The following ERI1 variants were observed in gnomAD, a reference collection of about 807,000 sequenced individuals.
ERI1 encodes exoribonuclease 1, also known as 3'-5' exoribonuclease 1.
In ERI1, 39 loss-of-function variants were observed where a neutral mutation model predicts 39.7. The observed-to-expected ratio is 0.98, with a 90% CI of 0.76 to 1.28. The LOEUF (loss-of-function observed/expected upper bound fraction) is 1.28. ERI1 is among the 50% of genes most tolerant of loss of function. The pLI is 0.00. For synonymous variants in ERI1, 204 were observed against 149.6 expected (o/e 1.36, Z -2.65); for missense variants, 581 against 416.9 (o/e 1.39, Z -3.43).
At chr8:9,051,697 C>T (rs997553918) in intron 3 of ERI1, among the ~76,000 whole-genome samples, 1 of 151,938 alleles carries the variant, frequency 6.6e-6, no homozygotes, top group African/African-American at 2.4e-5. Flanking sequence ...AAACGCCTTC[C>T]TCTTGGTCCT....
chr8:9,074,929 C>A (rs1020186285), intron 3 of ERI1, among the ~76,000 whole-genome samples: 6 of 152,118 alleles, frequency 3.9e-5, no homozygotes, highest in Non-Finnish European at 5.9e-5. Context: ...CAAGAGCAAG[C>A]CTGCCCCCAC....
intron 3 of ERI1, among the ~76,000 whole-genome samples, chr8:9,092,362 A>T (rs954849211): frequency 6.6e-6 from 1 of 152,170 alleles, no homozygotes; most frequent in Non-Finnish European, 1.5e-5. Context: ...CGTTCTGTTC[A>T]GAATCTTCCC....
At chr8:9,048,992 G>A (rs1798267226) in intron 3 of ERI1, among the ~76,000 whole-genome samples, 1 of 151,994 alleles carries the variant, frequency 6.6e-6, no homozygotes, top group African/African-American at 2.4e-5. Context: ...GATAGGTGGA[G>A]GTGAGCGAGA....
intron 3 of ERI1, among the ~76,000 whole-genome samples, chr8:9,076,869 G>A (rs1799226285): frequency 6.6e-6 from 1 of 152,226 alleles, no homozygotes; most frequent in African/African-American, 2.4e-5. Context: ...CCCCACCTTT[G>A]AAGGAGCTCT....
chr8:9,098,868 C>G (rs1027864660), intron 3 of ERI1, among the ~76,000 whole-genome samples: 1 of 152,190 alleles, frequency 6.6e-6, no homozygotes, highest in African/African-American at 2.4e-5. Context: ...CAGGCTCTCA[C>G]TGTCACTCAG....
chr8:9,039,087 A>T (rs1355422601), intron 3 of ERI1, among the ~76,000 whole-genome samples: 1 of 152,242 alleles, frequency 6.6e-6, no homozygotes, highest in Non-Finnish European at 1.5e-5. Flanking sequence ...ACTCGTTCTT[A>T]TATTTGGGGA....
chr8:9,078,021 G>C (rs544273135), intron 3 of ERI1, among the ~76,000 whole-genome samples: 3 of 151,982 alleles, frequency 2.0e-5, no homozygotes, highest in Admixed American at 6.6e-5. Flanking sequence ...ACAGAGTCTC[G>C]CTTTGTCAGC....
chr8:9,099,978 A>G (rs1238649720), intron 3 of ERI1: 1 of 152,260 alleles, frequency 6.6e-6, no homozygotes, highest in East Asian at 1.9e-4. Context: ...CCAAGATGGT[A>G]AAGATGAAAA....
chr8:9,041,604 TTAAGAA>T (rs1403241824), intron 3 of ERI1, among the ~76,000 whole-genome samples: 6 of 152,148 alleles, frequency 3.9e-5, no homozygotes, highest in African/African-American at 1.4e-4. Flanking sequence ...AAAGAAGAAA[TTAAGAA>T]TGAGATTTAA....
At chr8:9,093,925 T>C (rs1799792044) in intron 3 of ERI1, among the ~76,000 whole-genome samples, 1 of 152,206 alleles carries the variant, frequency 6.6e-6, no homozygotes, top group Non-Finnish European at 1.5e-5. Flanking sequence ...GGTGTGACTT[T>C]TACAGGAAGA....
At chr8:9,075,681 G>A (rs1799188766) in intron 3 of ERI1, among the ~76,000 whole-genome samples, 1 of 152,012 alleles carries the variant, frequency 6.6e-6, no homozygotes, top group African/African-American at 2.4e-5. Flanking sequence ...CCACAGACAG[G>A]TTAACCCTTC....
At chr8:9,060,314 C>T (rs1563364239) in intron 3 of ERI1, among the ~76,000 whole-genome samples, 1 of 152,112 alleles carries the variant, frequency 6.6e-6, no homozygotes, top group Non-Finnish European at 1.5e-5. Context: ...GACCTCTACC[C>T]ATCCAGTGAA....
intron 3 of ERI1, among the ~76,000 whole-genome samples, chr8:9,048,792 G>C (rs781755469): frequency 6.6e-6 from 1 of 152,036 alleles, no homozygotes; most frequent in African/African-American, 2.4e-5. Context: ...CCACAGGTAC[G>C]TGCCCCTGGC....
intron 3 of ERI1, among the ~76,000 whole-genome samples, chr8:9,092,472 T>C (rs929603350): frequency 3.9e-5 from 6 of 152,280 alleles, no homozygotes; most frequent in African/African-American, 1.4e-4. Context: ...GGTTCATTGG[T>C]TAAGTAGGTG....
intron 3 of ERI1, among the ~76,000 whole-genome samples, chr8:9,096,501 C>T (rs1486010660): frequency 6.6e-6 from 1 of 152,092 alleles, no homozygotes; most frequent in Non-Finnish European, 1.5e-5. Context: ...CATGAAAGAA[C>T]TTGGACAACG....
At chr8:9,006,322 T>A (rs1462739420) in intron 1 of ERI1, among the ~76,000 whole-genome samples, 2 of 152,152 alleles carry the variant, frequency 1.3e-5, no homozygotes. Context: ...AAATTTTTCT[T>A]TATGGAAGTC....
Position 9,033,260 on chromosome 8 carries a change from G to C in ERI1, c.*3226G>C, listed in dbSNP as rs966430207. 1 of 152,082 alleles carries C rather than the reference G, an allele frequency of 6.6e-6. No individual in the cohort carries two copies. Among genetic ancestry groups the C allele is most frequent in the African/African-American group, 2.4e-5 (1 of 41,414 alleles). The allele number at this position is 152,082 out of a possible 1,614,324, so 9.4% of individuals were successfully genotyped here. On this transcript the variant is annotated 3_prime_UTR_variant, in exon 7 of 7. Coordinates refer to ENST00000250263, the MANE Select transcript of ERI1 (RefSeq NM_153332.4). ...AACTATGGTTTTTATATTCCCTTTTGTTAATGGCTCAAAATAATATTTTGT... is the reference window on the plus strand; with the variant it reads ...AACTATGGTTTTTATATTCCCTTTTCTTAATGGCTCAAAATAATATTTTGT...
At chr8:9,075,953 G>A (rs1194198759) in intron 3 of ERI1, among the ~76,000 whole-genome samples, 2 of 151,498 alleles carry the variant, frequency 1.3e-5, no homozygotes, top group African/African-American at 2.4e-5. Flanking sequence ...TTGGAGACAG[G>A]GTCTCATTGT....
At chr8:9,057,034 C>T (rs888655003) in intron 3 of ERI1, among the ~76,000 whole-genome samples, 4 of 152,262 alleles carry the variant, frequency 2.6e-5, no homozygotes, top group Middle Eastern at 3.4e-3. Flanking sequence ...GGTTTCAACA[C>T]GTTGGCCAGG....
Sources: allele counts gnomAD v4.1 joint callset (sites outside exome capture counted in the v4.1 genomes callset), GRCh38; gene constraint gnomAD v4.1.1; transcripts MANE v1.5; gene names NCBI Gene and HGNC (gene_info 2026-07-23, HGNC 2026-07-21).